LTF: variants seen among roughly 807,000 people sequenced by gnomAD.
LTF encodes the protein lactotransferrin, also known as epididymis luminal protein 110.
LTF carries 91 observed loss-of-function variants against 87.2 expected under a neutral mutation model. The ratio of observed to expected loss-of-function variants is 1.04; its 90% confidence interval spans 0.88 to 1.24. The LOEUF is 1.24. LTF is among the 50% of genes most tolerant of loss of function. LTF has a pLI of 0.00. For missense variants in LTF, 901 were observed against 904.3 expected, an observed-to-expected ratio of 1.00 and a Z score of 0.05; for synonymous variants, 378 against 356.1, an observed-to-expected ratio of 1.06 and a Z score of -0.69.
chr3:46,472,527 T>TGTGTGTGTGTGTGAGA (rs1402389714), intron 1 of LTF, among the ~76,000 whole-genome samples: 2 of 130,728 alleles, frequency 1.5e-5, no homozygotes, highest in East Asian at 2.3e-4. Flanking sequence ...TGTGTGTGTG[T>TGTGTGTGTGTGTGAGA]GAGAGAGAGA....
chr3:46,472,895 C>T (rs116464576), intron 1 of LTF, among the ~76,000 whole-genome samples: 79 of 152,278 alleles, frequency 5.2e-4, no homozygotes, highest in African/African-American at 1.9e-3. Flanking sequence ...GGAACCCCTC[C>T]AGGTGGCCTT....
intron 15 of LTF, among the ~76,000 whole-genome samples, chr3:46,438,894 G>A (rs1702448994): frequency 6.6e-6 from 1 of 152,112 alleles, no homozygotes; most frequent in Non-Finnish European, 1.5e-5. Flanking sequence ...TTAGAGGCCT[G>A]GCCTAGAGCA....
chr3:46,454,243 C>T (rs1204328354), intron 6 of LTF, 62 bp downstream of exon 6: 1 of 1,447,644 alleles, frequency 6.9e-7, no homozygotes, highest in Non-Finnish European at 9.7e-7. Context: ...GCTCAAAGGT[C>T]AGAGTCATGA....
chr3:46,445,533 C>T, intron 11 of LTF, 97 bp from the exon 12 acceptor site: 2 of 996,908 alleles, frequency 2.0e-6, no homozygotes, highest in Non-Finnish European at 3.0e-6. Flanking sequence ...CAAAACAGGC[C>T]AAGAAGCAAC....
chr3:46,465,544 T>C (rs1559609260), upstream of LTF, among the ~76,000 whole-genome samples: 4 of 151,440 alleles, frequency 2.6e-5, no homozygotes, highest in Admixed American at 2.0e-4. Flanking sequence ...CAAGGCTGGT[T>C]CCATGTTCTT....
At chr3:46,481,232 T>C (rs1559614108) in intron 1 of LTF, among the ~76,000 whole-genome samples, 1 of 152,214 alleles carries the variant, frequency 6.6e-6, no homozygotes, top group Non-Finnish European at 1.5e-5. Context: ...TAGCAACTGC[T>C]TATGGAATCC....
chr3:46,439,364 G>A lies in LTF; in HGVS notation c.1840C>T (p.Pro614Ser), dbSNP rs373826541. 46 of 1,614,196 alleles carry A rather than the reference G, an allele frequency of 2.8e-5. No homozygotes were observed. The African/African-American group carries it at 4.5e-4, about 16-fold the overall frequency. ...ATCCGAGACACCACGGCATGATTCG[G>A]GGCCATGGCAAGATGGCAGCTTCTA... is the stretch of plus-strand genomic sequence containing the variant. ...EARSCHLAMA[P>S]NHAVVSRMDK... Residue 614 changes from proline to serine, a missense_variant, in exon 15 of 17, where the codon CCG becomes TCG. By Grantham distance (74) the Pro-to-Ser change is moderately conservative. Transcript: ENST00000231751.
intron 1 of LTF, among the ~76,000 whole-genome samples, chr3:46,461,766 A>G (rs1559606862): frequency 6.6e-6 from 1 of 151,938 alleles, no homozygotes; most frequent in Non-Finnish European, 1.5e-5. Flanking sequence ...CAAATAGGTG[A>G]TTTTTTATGA....
chr3:46,481,788 G>A (rs1284328630), intron 1 of LTF, among the ~76,000 whole-genome samples: 1 of 152,202 alleles, frequency 6.6e-6, no homozygotes, highest in East Asian at 1.9e-4. Flanking sequence ...ACCAACAGAT[G>A]TAGAAATTGG....
intron 1 of LTF, among the ~76,000 whole-genome samples, chr3:46,474,071 G>T (rs1559612076): frequency 6.6e-6 from 1 of 151,802 alleles, no homozygotes; most frequent in Non-Finnish European, 1.5e-5. Flanking sequence ...AAAACAGAGA[G>T]AAAAAAATAA....
intron 2 of LTF, among the ~76,000 whole-genome samples, chr3:46,458,634 G>A (rs148874720): frequency 5.4e-4 from 83 of 152,328 alleles, no homozygotes; most frequent in African/African-American, 1.9e-3. Flanking sequence ...GAGTGCAATA[G>A]CATGATCTTG....
At position 46,455,357 on chromosome 3, in the gene LTF, T is replaced by A; in HGVS notation, c.585A>T (p.Thr195=). 1 of 1,614,212 alleles carries A rather than the reference T, an allele frequency of 6.2e-7. No homozygotes were observed. Among genetic ancestry groups the A allele is most frequent in the South Asian group, 1.1e-5 (1 of 91,090 alleles). ...FPNLCRLCAG[T]GENKCAFSSQ... Reference sequence around the variant, plus strand: ...AGGAGAAGGCACATTTGTTTTCCCCTGTCCCCGCACACAGGCGACACAGGT... The same window carrying A: ...AGGAGAAGGCACATTTGTTTTCCCCAGTCCCCGCACACAGGCGACACAGGT... The change falls in exon 5 of 17, where the codon ACA becomes ACT. Residue 195 remains threonine, a synonymous_variant. Transcript: ENST00000231751.
At chr3:46,463,589 C>T in intron 1 of LTF, 1 of 985,572 alleles carries the variant, frequency 1.0e-6, no homozygotes, top group Non-Finnish European at 1.2e-6. Flanking sequence ...ATTCAAACTT[C>T]AGACCTCAGT....
At chr3:46,475,680 A>C (rs927191123) in intron 1 of LTF, among the ~76,000 whole-genome samples, 1 of 152,164 alleles carries the variant, frequency 6.6e-6, no homozygotes, top group African/African-American at 2.4e-5. Context: ...ACCCAACTCA[A>C]GCTGGCCAAG....
chr3:46,471,883 A>C (rs552610158), intron 1 of LTF, among the ~76,000 whole-genome samples: 1 of 152,284 alleles, frequency 6.6e-6, no homozygotes, highest in East Asian at 1.9e-4. Context: ...AGCAAAAAGA[A>C]ATATAGGGGC....
intron 1 of LTF, among the ~76,000 whole-genome samples, chr3:46,462,619 A>G (rs1703111840): frequency 1.3e-5 from 2 of 152,206 alleles, no homozygotes; most frequent in Non-Finnish European, 2.9e-5. Flanking sequence ...AAAGTCTCCA[A>G]TGCTGATCCA....
intron 2 of LTF, among the ~76,000 whole-genome samples, chr3:46,458,190 G>C (rs1702988002): frequency 6.6e-6 from 1 of 152,004 alleles, no homozygotes; most frequent in Non-Finnish European, 1.5e-5. Flanking sequence ...TTTTCTATGG[G>C]CTATGAATTA....
upstream of LTF, among the ~76,000 whole-genome samples, chr3:46,468,492 C>T (rs1011151989): frequency 6.6e-6 from 1 of 152,214 alleles, no homozygotes; most frequent in African/African-American, 2.4e-5. Flanking sequence ...CCCCCACCCT[C>T]AAAACTCCTC....
intron 13 of LTF, 136 bp downstream of exon 13, chr3:46,443,305 G>T: frequency 9.4e-7 from 1 of 1,063,492 alleles, no homozygotes; most frequent in Non-Finnish European, 1.4e-6. Flanking sequence ...CCTCACTGGG[G>T]CCACCCATGA....
Sources: allele counts gnomAD v4.1 joint callset (sites outside exome capture counted in the v4.1 genomes callset), GRCh38; gene constraint gnomAD v4.1.1; transcripts MANE v1.5; gene names NCBI Gene and HGNC (gene_info 2026-07-23, HGNC 2026-07-21).